C10orf90: variants seen among roughly 807,000 people sequenced by gnomAD.
C10orf90 encodes (E2-independent) E3 ubiquitin-conjugating enzyme FATS.
In C10orf90, 56 loss-of-function variants were observed where a neutral mutation model predicts 62.5. The observed-to-expected ratio is 0.90, with a 90% CI of 0.72 to 1.12. C10orf90 has a LOEUF of 1.12. Among genes scored for constraint, C10orf90 ranks in the 50% most tolerant of loss-of-function variants. The pLI, the probability that C10orf90 is intolerant of heterozygous loss-of-function variation, is 0.00. For missense variants in C10orf90, 970 were observed against 880.4 expected (o/e 1.10, Z -1.29); for synonymous variants, 386 against 340.4 (o/e 1.13, Z -1.47).
At chr10:126,474,291 C>T (rs1281693922) in intron 4 of C10orf90, among the ~76,000 whole-genome samples, 5 of 152,172 alleles carry the variant, frequency 3.3e-5, no homozygotes, top group Non-Finnish European at 5.9e-5. Context: ...AATGGATCAT[C>T]GCGCTGGCCC....
At chr10:126,664,294 T>C (rs1846579928) in intron 1 of C10orf90, among the ~76,000 whole-genome samples, 1 of 152,078 alleles carries the variant, frequency 6.6e-6, no homozygotes, top group South Asian at 2.1e-4. Context: ...GCAGCACCCA[T>C]AAATCACTGG....
chr10:126,531,637 G>GA (rs1248565793), intron 2 of C10orf90, among the ~76,000 whole-genome samples: 3 of 151,966 alleles, frequency 2.0e-5, no homozygotes, highest in Non-Finnish European at 4.4e-5. Flanking sequence ...AAATTAACTT[G>GA]AAAAAAATCA....
chr10:126,455,818 G>A (rs77340034), intron 7 of C10orf90, among the ~76,000 whole-genome samples: 1 of 152,270 alleles, frequency 6.6e-6, no homozygotes, highest in Non-Finnish European at 1.5e-5. Context: ...CCCACATGCA[G>A]CACTCTTCCC....
At chr10:126,575,082 T>C (rs914500047) in intron 2 of C10orf90, among the ~76,000 whole-genome samples, 2 of 152,010 alleles carry the variant, frequency 1.3e-5, no homozygotes, top group Admixed American at 6.6e-5. Flanking sequence ...AGAGATAACA[T>C]GATTATGCAT....
intron 4 of C10orf90, among the ~76,000 whole-genome samples, chr10:126,484,116 C>G (rs1024509750): frequency 2.0e-5 from 3 of 152,114 alleles, no homozygotes; most frequent in Admixed American, 2.0e-4. Context: ...AGTTATCCTT[C>G]TCTTCACTGT....
In C10orf90 at chr10:126,504,870, C is replaced by T. The variant is rs1443506056; in HGVS notation, c.621G>A (p.Pro207=). The change falls in exon 4 of 10, where the codon CCG becomes CCA. Residue 207 remains proline (P), a synonymous_variant. Transcript: ENST00000488181. The surrounding 1 kb of genome is among the most constrained non-coding windows in gnomAD (Gnocchi z 4.1). ...CAGGTCCTCGCTCATCTGACGGTGC[C>T]GGGATTCCTAATCTGCCCGGAAGTA... ...FALLPGRLGI[P]APSDERGPEA... is the part of the protein sequence containing the mutation. 1.2e-6 allele frequency: 2 copies of T among 1,613,494 alleles called. No homozygotes were observed. Among genetic ancestry groups the T allele is most frequent in the South Asian group, 1.1e-5 (1 of 90,970 alleles).
chr10:126,569,317 T>C (rs540631333), intron 2 of C10orf90, among the ~76,000 whole-genome samples: 1 of 152,246 alleles, frequency 6.6e-6, no homozygotes, highest in East Asian at 1.9e-4. Flanking sequence ...CCCCACGAGA[T>C]TCCTGCCTCC....
chr10:126,504,067 G>C lies in C10orf90; in HGVS notation c.1424C>G (p.Ala475Gly). 6.2e-7 allele frequency: 1 copy of C among 1,614,108 alleles called. No homozygotes were observed. The highest frequency in any genetic ancestry group is 8.5e-7 in the Non-Finnish European group (1 of 1,180,040). Reference sequence around the variant, plus strand: ...CCCTTTTCTTACAGTGACTTGGTTAGCTCCCACATTTGCCAATTCTGTGTT... The same window carrying C: ...CCCTTTTCTTACAGTGACTTGGTTACCTCCCACATTTGCCAATTCTGTGTT... ...LENTELANVG[A>G]NQVTVRKGEK... is the part of the protein sequence containing the mutation. Residue 475 changes from alanine (A) to glycine (G), a missense_variant, in exon 4 of 10, where the codon GCT becomes GGT. Transcript: ENST00000488181. The surrounding 1 kb of genome is among the most constrained non-coding windows in gnomAD (Gnocchi z 4.1).
chr10:126,538,193 G>A (rs1026447086), intron 2 of C10orf90, among the ~76,000 whole-genome samples: 1 of 152,130 alleles, frequency 6.6e-6, no homozygotes, highest in Non-Finnish European at 1.5e-5. Context: ...GTGTTCAGGG[G>A]AACTCCCTTT....
chr10:126,471,047 C>T (rs1860559985), intron 4 of C10orf90, among the ~76,000 whole-genome samples: 1 of 152,034 alleles, frequency 6.6e-6, no homozygotes, highest in South Asian at 2.1e-4. Flanking sequence ...GCATTGCAGC[C>T]CAGGAAGGGA....
rs369699968 is a variant in C10orf90 at position 126,426,539 on chromosome 10, T to C, written c.2253-449A>G. On this transcript the variant is annotated intron_variant, in intron 8 of 9. Transcript: ENST00000488181. ...ACTTAGAAAAGGAACAGCATATAAA[T>C]AGAAATAGCAGGACTTATAATACTG... 3.9e-5 allele frequency among the ~76,000 whole-genome samples: 6 copies of C among 152,312 alleles called. No individual in the cohort carries two copies. The East Asian group carries it at 9.6e-4, about 24-fold the overall frequency.
At chr10:126,653,745 T>C (rs1846336836) in intron 1 of C10orf90, among the ~76,000 whole-genome samples, 1 of 152,128 alleles carries the variant, frequency 6.6e-6, no homozygotes, top group Non-Finnish European at 1.5e-5. Flanking sequence ...TCAGTTTGCT[T>C]TGCTCAGATT....
chr10:126,579,000 T>C (rs1488661975), intron 2 of C10orf90, among the ~76,000 whole-genome samples: 2 of 152,134 alleles, frequency 1.3e-5, no homozygotes, highest in Non-Finnish European at 2.9e-5. Context: ...TTGTGAAAAC[T>C]CATGAGACTG....
intron 2 of C10orf90, among the ~76,000 whole-genome samples, chr10:126,600,449 C>T (rs1478644181): frequency 1.3e-5 from 2 of 152,168 alleles, no homozygotes; most frequent in Non-Finnish European, 2.9e-5. Context: ...GAAACAAAAG[C>T]CAGATGTGGT....
chr10:126,440,562 C>T (rs1241629359), intron 7 of C10orf90, among the ~76,000 whole-genome samples: 1 of 152,154 alleles, frequency 6.6e-6, no homozygotes, highest in Non-Finnish European at 1.5e-5. Context: ...GAAAGTGCCA[C>T]CTCCCAGCAG....
At chr10:126,568,588 C>T (rs1844440539) in intron 2 of C10orf90, among the ~76,000 whole-genome samples, 1 of 152,166 alleles carries the variant, frequency 6.6e-6, no homozygotes, top group South Asian at 2.1e-4. Context: ...GACAAGTAAC[C>T]TAATCATGGG....
intron 8 of C10orf90, among the ~76,000 whole-genome samples, chr10:126,426,897 T>C (rs1480294097): frequency 2.0e-5 from 3 of 152,216 alleles, no homozygotes; most frequent in African/African-American, 7.2e-5. Context: ...AGGAGACATC[T>C]TAGGTATTGG....
intron 2 of C10orf90, among the ~76,000 whole-genome samples, chr10:126,606,653 T>C (rs1845318534): frequency 6.6e-6 from 1 of 152,164 alleles, no homozygotes; most frequent in Non-Finnish European, 1.5e-5. Flanking sequence ...GGATTAGGAT[T>C]TGCAGCATTA....
rs546377538 is a variant in C10orf90 at position 126,565,236 on chromosome 10, T to G, written c.314-51297A>C. On this transcript the variant is annotated intron_variant, in intron 2 of 9. Transcript: ENST00000488181. ...TATAATTTTTATATTACATATTATG[T>G]AATATAATATTTATTATATTATATA... Among the ~76,000 whole-genome samples the G allele has an allele frequency of 1.5e-3, 83 of 53,662 alleles. 8 individuals are homozygous for G. The highest frequency in any genetic ancestry group is 4.5e-3 in the African/African-American group (72 of 15,952). The allele number at this position is 53,662 out of a possible 152,430, so 35.2% of individuals were successfully genotyped here. A position where few individuals can be genotyped will look rare whatever the true frequency, so the allele number is the denominator to read the frequency against.
Sources: gnomAD v4.1 joint callset for allele counts (sites outside exome capture counted in the v4.1 genomes callset) on GRCh38, gnomAD v4.1.1 for gene constraint, Gnocchi (gnomAD v3.1) non-coding constraint, MANE v1.5 for transcripts, NCBI Gene and HGNC (gene_info 2026-07-23, HGNC 2026-07-21) for gene names.